The following SPAG16 variants were observed in gnomAD, a reference collection of about 807,000 sequenced individuals.
SPAG16 encodes sperm-associated antigen 16 protein.
A neutral mutation model predicts 80.4 loss-of-function variants in SPAG16; 86 were observed. That is an observed-to-expected ratio of 1.07 (90% CI 0.90 to 1.28). The LOEUF is 1.28. SPAG16 is among the 50% of genes most tolerant of loss of function. SPAG16 has a pLI of 0.00. For synonymous variants in SPAG16, 294 were observed against 265.9 expected, an observed-to-expected ratio of 1.11 and a Z score of -1.03; for missense variants, 870 against 765.3, an observed-to-expected ratio of 1.14 and a Z score of -1.61.
At chr2:213,712,562 G>A (rs1374661347) in intron 10 of SPAG16, among the ~76,000 whole-genome samples, 2 of 152,104 alleles carry the variant, frequency 1.3e-5, no homozygotes, top group Non-Finnish European at 2.9e-5. Context: ...AGTAAGACAA[G>A]GCTGAAAATT....
intron 10 of SPAG16, among the ~76,000 whole-genome samples, chr2:213,729,826 A>G (rs2066945199): frequency 6.6e-6 from 1 of 152,206 alleles, no homozygotes. Flanking sequence ...TGTGGAAGGT[A>G]TTCTCTTTAG....
intron 9 of SPAG16, among the ~76,000 whole-genome samples, chr2:213,406,942 A>T (rs1377573162): frequency 1.5e-5 from 2 of 133,394 alleles, no homozygotes; most frequent in African/African-American, 4.1e-5. Flanking sequence ...GATTTAAAAA[A>T]AAAAAAAAAA....
chr2:213,945,616 C>G (rs2079417274), intron 12 of SPAG16, among the ~76,000 whole-genome samples: 1 of 152,100 alleles, frequency 6.6e-6, no homozygotes, highest in African/African-American at 2.4e-5. Flanking sequence ...CTGCCTTCCC[C>G]AGCCCACTGA....
chr2:213,386,507 C>T (rs914159485), intron 9 of SPAG16, among the ~76,000 whole-genome samples: 5 of 152,124 alleles, frequency 3.3e-5, no homozygotes, highest in Non-Finnish European at 7.4e-5. Context: ...TTCTATGTTT[C>T]ATGGATTGAT....
At chr2:213,516,012 A>G (rs1276343587) in intron 10 of SPAG16, among the ~76,000 whole-genome samples, 1 of 152,196 alleles carries the variant, frequency 6.6e-6, no homozygotes. Flanking sequence ...GGAGGGAACC[A>G]GAAGTTTCCA....
intron 14 of SPAG16, among the ~76,000 whole-genome samples, chr2:214,117,685 G>T (rs2054008096): frequency 6.6e-6 from 1 of 152,192 alleles, no homozygotes; most frequent in African/African-American, 2.4e-5. Context: ...TCCCAGGGAT[G>T]CAAGGATGAT....
At chr2:214,354,676 G>A (rs375328942) in intron 15 of SPAG16, among the ~76,000 whole-genome samples, 1 of 151,088 alleles carries the variant, frequency 6.6e-6, no homozygotes, top group African/African-American at 2.4e-5. Flanking sequence ...TTATTTCATT[G>A]AGCAGTGGTT....
At chr2:214,185,283 G>A (rs891393123) in intron 15 of SPAG16, among the ~76,000 whole-genome samples, 4 of 151,970 alleles carry the variant, frequency 2.6e-5, no homozygotes, top group Non-Finnish European at 5.9e-5. Flanking sequence ...GACATTTTAT[G>A]TAAATCAGTG....
chr2:214,008,521 G>C (rs961239986), intron 12 of SPAG16, among the ~76,000 whole-genome samples: 1 of 152,092 alleles, frequency 6.6e-6, no homozygotes, highest in African/African-American at 2.4e-5. Context: ...AAAGTGGGTG[G>C]ATTACTTGAG....
At chr2:214,250,415 A>G (rs1254429258) in intron 15 of SPAG16, among the ~76,000 whole-genome samples, 6 of 151,478 alleles carry the variant, frequency 4.0e-5, no homozygotes, top group African/African-American at 1.5e-4. Flanking sequence ...TACAAACAAT[A>G]TAAGTTAGCA....
chr2:213,542,948 G>A (rs1175164720), intron 10 of SPAG16, among the ~76,000 whole-genome samples: 3 of 152,010 alleles, frequency 2.0e-5, no homozygotes, highest in South Asian at 4.1e-4. Flanking sequence ...ATGAAAAGCT[G>A]GTTCTTTGAG....
At chr2:214,065,535 G>A (rs960919193) in intron 13 of SPAG16, among the ~76,000 whole-genome samples, 5 of 152,046 alleles carry the variant, frequency 3.3e-5, no homozygotes, top group African/African-American at 1.2e-4. Context: ...ATTTGAGAAT[G>A]GAATAGTCAA....
chr2:214,217,406 G>A (rs1352681899), intron 15 of SPAG16, among the ~76,000 whole-genome samples: 6 of 152,210 alleles, frequency 3.9e-5, no homozygotes, highest in African/African-American at 1.4e-4. Context: ...AAAGGGCTGT[G>A]CATGTTTGAA....
At chr2:213,664,831 A>G (rs1444403818) in intron 10 of SPAG16, among the ~76,000 whole-genome samples, 1 of 122,258 alleles carries the variant, frequency 8.2e-6, no homozygotes, top group Non-Finnish European at 1.7e-5. Flanking sequence ...GCATGCATAT[A>G]TATACATATA....
chr2:213,636,418 G>A (rs2062364292), intron 10 of SPAG16, among the ~76,000 whole-genome samples: 2 of 152,040 alleles, frequency 1.3e-5, no homozygotes, highest in Non-Finnish European at 2.9e-5. Flanking sequence ...GATTAGTCTT[G>A]TTTTGATCAT....
chr2:213,304,967 G>A (rs1260386337), intron 3 of SPAG16, among the ~76,000 whole-genome samples: 2 of 152,088 alleles, frequency 1.3e-5, no homozygotes, highest in African/African-American at 2.4e-5. Context: ...GCTTTGGATA[G>A]TATTGACATT....
intron 15 of SPAG16, among the ~76,000 whole-genome samples, chr2:214,260,391 C>A (rs1691054961): frequency 6.6e-6 from 1 of 151,914 alleles, no homozygotes; most frequent in African/African-American, 2.4e-5. Context: ...AAGCCTCTAC[C>A]ACCTGGTAGG....
intron 12 of SPAG16, among the ~76,000 whole-genome samples, chr2:213,991,778 C>G (rs958847155): frequency 6.6e-6 from 1 of 152,132 alleles, no homozygotes; most frequent in Non-Finnish European, 1.5e-5. Flanking sequence ...ACACACTGAG[C>G]TGTAAGAAGA....
chr2:213,945,879 C>A (rs1466546522), intron 12 of SPAG16, among the ~76,000 whole-genome samples: 1 of 152,030 alleles, frequency 6.6e-6, no homozygotes, highest in Non-Finnish European at 1.5e-5. Flanking sequence ...TTACAGTAGC[C>A]CAAACTGACT....
Sources: allele counts gnomAD v4.1 joint callset (sites outside exome capture counted in the v4.1 genomes callset), GRCh38; gene constraint gnomAD v4.1.1; transcripts MANE v1.5; gene names NCBI Gene and HGNC (gene_info 2026-07-23, HGNC 2026-07-21).